Variants in TRPC4 observed in about 807,000 individuals in gnomAD.
The protein encoded by TRPC4 is transient receptor potential cation channel subfamily C member 4, also known as short transient receptor potential channel 4.
In TRPC4, 49 loss-of-function variants were observed where a neutral mutation model predicts 99.4. The ratio of observed to expected loss-of-function variants is 0.49; its 90% confidence interval spans 0.39 to 0.63. The LOEUF (loss-of-function observed/expected upper bound fraction) is 0.63, where lower values mean the gene tolerates loss of function less well. Among genes scored for constraint, TRPC4 ranks in the 20% least tolerant of loss-of-function variants. TRPC4 has a pLI of 0.00. For synonymous variants in TRPC4, 454 were observed against 425.9 expected (o/e 1.07, Z -0.81); for missense variants, 898 against 1,152.9 (o/e 0.78, Z 3.20).
chr13:37,726,381 A>T (rs1955059080), intron 3 of TRPC4, among the ~76,000 whole-genome samples: 1 of 152,140 alleles, frequency 6.6e-6, no homozygotes, highest in African/African-American at 2.4e-5. Flanking sequence ...AAGAAACTGT[A>T]TTTTTGTGTG....
intron 3 of TRPC4, among the ~76,000 whole-genome samples, chr13:37,738,936 G>A (rs192249568): frequency 7.5e-6 from 1 of 132,712 alleles, no homozygotes; most frequent in African/African-American, 2.5e-5. Context: ...CCGGGCTTGG[G>A]ATTTTCAATT....
intron 8 of TRPC4, among the ~76,000 whole-genome samples, chr13:37,643,143 G>A (rs949900395): frequency 1.3e-5 from 2 of 152,142 alleles, no homozygotes; most frequent in Admixed American, 6.5e-5. Context: ...TCCTGGCACT[G>A]TATATTTGGG....
chr13:37,789,857 G>C (rs1957068992), intron 1 of TRPC4, among the ~76,000 whole-genome samples: 1 of 152,010 alleles, frequency 6.6e-6, no homozygotes, highest in Non-Finnish European at 1.5e-5. Flanking sequence ...CAAGACTTTA[G>C]TAATTTGCTG....
intron 4 of TRPC4, among the ~76,000 whole-genome samples, chr13:37,685,657 T>C (rs1364361862): frequency 1.3e-5 from 2 of 152,146 alleles, no homozygotes; most frequent in African/African-American, 2.4e-5. Context: ...TACTCCTCTT[T>C]TCCTGTCTTT....
intron 3 of TRPC4, among the ~76,000 whole-genome samples, chr13:37,720,330 A>G (rs74047131): frequency 0.022 from 3,418 of 152,302 alleles, 95 homozygotes; most frequent in African/African-American, 0.065. Flanking sequence ...GTGAAAAGGT[A>G]TAGCTATCTA....
chr13:37,647,514 C>G (rs1951888416), intron 8 of TRPC4, among the ~76,000 whole-genome samples: 2 of 152,174 alleles, frequency 1.3e-5, no homozygotes, highest in African/African-American at 4.8e-5. Context: ...GTTCACCAGA[C>G]TTCTCAGGGA....
chr13:37,733,283 G>A (rs921435771), intron 3 of TRPC4, among the ~76,000 whole-genome samples: 3 of 151,942 alleles, frequency 2.0e-5, no homozygotes, highest in African/African-American at 4.8e-5. Flanking sequence ...AAAACACAGC[G>A]AGCCTAAGAA....
intron 2 of TRPC4, among the ~76,000 whole-genome samples, chr13:37,776,206 A>G (rs1956697518): frequency 6.6e-6 from 1 of 151,828 alleles, no homozygotes; most frequent in African/African-American, 2.4e-5. Context: ...ATTCAATTTA[A>G]TTTTTAGACA....
chr13:37,676,923 G>GTGTA (rs200514564), intron 4 of TRPC4, among the ~76,000 whole-genome samples: 2 of 150,634 alleles, frequency 1.3e-5, no homozygotes, highest in African/African-American at 4.9e-5. Flanking sequence ...AAATGTGTGT[G>GTGTA]TATATATATA....
chr13:37,647,600 C>T (rs1951890751), intron 8 of TRPC4, among the ~76,000 whole-genome samples: 1 of 152,160 alleles, frequency 6.6e-6, no homozygotes, highest in South Asian at 2.1e-4. Flanking sequence ...TGCTCTGTCT[C>T]TAAGAGAGCA....
At chr13:37,644,872 CAAAAAAA>C (rs11446579) in intron 8 of TRPC4, among the ~76,000 whole-genome samples, 13 of 81,506 alleles carry the variant, frequency 1.6e-4, no homozygotes, top group African/African-American at 5.9e-4. Context: ...GACTCCATCT[CAAAAAAA>C]AAAAAAAAAA....
At chr13:37,745,473 T>TATGCATATATATATATATAC (rs1288455219) in intron 3 of TRPC4, among the ~76,000 whole-genome samples, 1 of 5,392 alleles carries the variant, frequency 1.9e-4, no homozygotes, top group African/African-American at 2.5e-4. Flanking sequence ...TATATATATA[T>TATGCATATATATATATATAC]ACACACACAC....
At chr13:37,679,481 T>C (rs1953165364) in intron 4 of TRPC4, among the ~76,000 whole-genome samples, 1 of 152,180 alleles carries the variant, frequency 6.6e-6, no homozygotes, top group Non-Finnish European at 1.5e-5. Context: ...CATAATAAAA[T>C]GTTGAATGAA....
chr13:37,653,282 G>A (rs1016761737), intron 7 of TRPC4, among the ~76,000 whole-genome samples: 1 of 152,128 alleles, frequency 6.6e-6, no homozygotes, highest in African/African-American at 2.4e-5. Flanking sequence ...TAACAAATGA[G>A]TGAATGGAAA....
At chr13:37,646,595 T>TAAAA (rs1001838732) in intron 8 of TRPC4, among the ~76,000 whole-genome samples, 15 of 152,178 alleles carry the variant, frequency 9.9e-5, no homozygotes, top group African/African-American at 3.6e-4. Context: ...AATTAAAGAT[T>TAAAA]AAAAAACTTC....
chr13:37,803,943 T>C (rs1366262611), intron 1 of TRPC4, among the ~76,000 whole-genome samples: 5 of 152,054 alleles, frequency 3.3e-5, no homozygotes, highest in Admixed American at 3.3e-4. Context: ...CATTAAAAAG[T>C]CCCTCAATAT....
chr13:37,865,730 A>G (rs1424905812), intron 1 of TRPC4, among the ~76,000 whole-genome samples: 1 of 151,778 alleles, frequency 6.6e-6, no homozygotes, highest in Non-Finnish European at 1.5e-5. Context: ...ACAGGAATTA[A>G]GTAAAAAGAG....
At chr13:37,650,604 T>TACA (rs1263454496) in intron 8 of TRPC4, among the ~76,000 whole-genome samples, 3 of 59,272 alleles carry the variant, frequency 5.1e-5, no homozygotes, top group Non-Finnish European at 7.2e-5. Flanking sequence ...TCTCTCTCTC[T>TACA]CTCTCTATAC....
At chr13:37,647,364 G>A (rs1951884480) in intron 8 of TRPC4, among the ~76,000 whole-genome samples, 1 of 152,182 alleles carries the variant, frequency 6.6e-6, no homozygotes, top group Non-Finnish European at 1.5e-5. Context: ...GCAAGTTGAG[G>A]ATAAGGGCAG....
Sources: allele counts gnomAD v4.1 joint callset (sites outside exome capture counted in the v4.1 genomes callset), GRCh38; gene constraint gnomAD v4.1.1; transcripts MANE v1.5; gene names NCBI Gene and HGNC (gene_info 2026-07-23, HGNC 2026-07-21).